The following COQ10A variants were observed in gnomAD, a reference collection of about 807,000 sequenced individuals.
COQ10A encodes the protein coenzyme Q10A, also known as coenzyme Q-binding protein COQ10 homolog A, mitochondrial.
A neutral mutation model predicts 26.1 loss-of-function variants in COQ10A; 25 were observed. The ratio of observed to expected loss-of-function variants is 0.96; its 90% CI spans 0.70 to 1.34. The LOEUF is 1.34. Among genes scored for constraint, COQ10A ranks in the 40% most tolerant of loss-of-function variants. COQ10A has a pLI of 0.00. For missense variants in COQ10A, 312 were observed against 335.4 expected, an observed-to-expected ratio of 0.93 and a Z score of 0.54; for synonymous variants, 132 against 124.0, an observed-to-expected ratio of 1.06 and a Z score of -0.43.
At position 56,267,019 on chromosome 12, in the gene COQ10A, G is replaced by A. The variant is rs1592401651; in HGVS notation, c.-100G>A. 7.7e-6 allele frequency: 9 copies of A among 1,168,482 alleles called. No individual in the cohort carries two copies. Among genetic ancestry groups the A allele is most frequent in the Non-Finnish European group, 9.6e-6 (9 of 939,840 alleles). 72.4% of individuals were successfully genotyped at this position (1,168,482 alleles called of 1,614,324 possible). Reference sequence around the variant, plus strand: ...CCTCCCGTCGCCCCTGCGCTCAGAGGTCCCGAACCAGCCCAGCCGCTGCCT... The same window carrying A: ...CCTCCCGTCGCCCCTGCGCTCAGAGATCCCGAACCAGCCCAGCCGCTGCCT... On this transcript the variant is annotated 5_prime_UTR_variant, in exon 1 of 5. Coordinates refer to ENST00000308197, the MANE Select transcript of COQ10A (RefSeq NM_144576.4).
rs201037052 is a variant in COQ10A at position 56,269,546 on chromosome 12, C to T, written c.561C>T (p.Cys187=). 3.7e-5 allele frequency: 59 copies of T among 1,613,336 alleles called. No individual in the cohort carries two copies. In the African/African-American group the frequency reaches 7.2e-4, roughly 20 times the overall value. Residue 187 remains cysteine (C), a synonymous_variant, in exon 4 of 5, where the codon TGC becomes TGT. Transcript: ENST00000308197. The part of the protein sequence containing the change: ...SPGIPAYPRT[C]TVDFSISFEF... ...GTATTCCTGCCTATCCTCGAACCTGCACTGTGGACTTTTCGGTGAGTCAGG... is the reference window on the plus strand; with the variant it reads ...GTATTCCTGCCTATCCTCGAACCTGTACTGTGGACTTTTCGGTGAGTCAGG...
chr12:56,268,965 T>C (rs891085614), intron 2 of COQ10A, 94 bp from the exon 3 acceptor site: 1 of 947,388 alleles, frequency 1.1e-6, no homozygotes, highest in Non-Finnish European at 1.7e-6. Context: ...TGAAGGTGCG[T>C]GGTTAGTGGG....
intron 2 of COQ10A, 72 bp downstream of exon 2, chr12:56,268,012 C>T (rs1422139284): frequency 1.3e-6 from 2 of 1,575,550 alleles, no homozygotes; most frequent in Non-Finnish European, 1.7e-6. Context: ...GCAAGAATGT[C>T]AGGGTATCAT....
chr12:56,267,722 T>C, intron 1 of COQ10A, 72 bp from the exon 2 acceptor site: 1 of 1,601,060 alleles, frequency 6.2e-7, no homozygotes, highest in Non-Finnish European at 8.6e-7. Context: ...TGCACTCTTC[T>C]TCTCCTTCAC....
intron 1 of COQ10A, 135 bp from the exon 2 acceptor site, chr12:56,267,659 G>A: frequency 1.5e-6 from 2 of 1,303,740 alleles, no homozygotes; most frequent in Non-Finnish European, 2.2e-6. Flanking sequence ...AGAGCCTAGC[G>A]GGCTGCAGCA....
At chr12:56,268,260 C>T in intron 2 of COQ10A, 1 of 300,028 alleles carries the variant, frequency 3.3e-6, no homozygotes, top group Non-Finnish European at 6.4e-6. Flanking sequence ...CGTTTTAGGT[C>T]AGGAGTTCGA....
chr12:56,267,173 C>T lies in COQ10A; in HGVS notation c.55C>T (p.Arg19Cys). 2.2e-6 allele frequency: 3 copies of T among 1,352,924 alleles called. No individual in the cohort carries two copies. The highest frequency in any genetic ancestry group is 2.8e-6 in the Non-Finnish European group (3 of 1,058,604). 83.8% of individuals were successfully genotyped at this position (1,352,924 alleles called of 1,614,324 possible). A position where few individuals can be genotyped will look rare whatever the true frequency, so the allele number is the denominator to read the frequency against. The change falls in exon 1 of 5, where the codon CGC becomes TGC. Residue 19 changes from arginine (R) to cysteine (C), a missense_variant. Physicochemically the swap from Arg to Cys is radical, Grantham distance 180. Transcript: ENST00000308197. ...VPAGTRAAAERCCRLSLSPGA... is the reference protein window; with the variant it reads ...VPAGTRAAAECCCRLSLSPGA... ...AGCTGGGACGCGCGCGGCAGCCGAG[C>T]GCTGCTGCCGGCTCTCGCTCAGCCC...
Position 56,269,216 on chromosome 12 carries a change from TCTGC to T in COQ10A, c.440_443del (p.Ser147Ter). On this transcript the variant is annotated frameshift_variant, in exon 3 of 5. Transcript: ENST00000308197. LOFTEE classifies it high-confidence loss of function. Reference sequence around the variant, plus strand: ...TCCACCTGTCATGGAACGTTACACCTCTGCAGTTTCCATGGTCAAACCTCACATG... The same window carrying T: ...TCCACCTGTCATGGAACGTTACACCTAGTTTCCATGGTCAAACCTCACATG... 2 of 1,614,154 alleles carry T rather than the reference TCTGC, an allele frequency of 1.2e-6. No homozygotes were observed. The highest frequency in any genetic ancestry group is 1.7e-6 in the Non-Finnish European group (2 of 1,180,010).
chr12:56,267,487 C>T (rs2135903790), intron 1 of COQ10A: 1 of 1,598,460 alleles, frequency 6.3e-7, no homozygotes, highest in South Asian at 1.1e-5. Flanking sequence ...TCCCCGGGGA[C>T]AGTGATGCTT....
chr12:56,270,608 T>C lies in COQ10A; in HGVS notation c.*291T>C. The C allele has an allele frequency of 3.5e-6, 1 of 288,482 alleles. No homozygotes were observed. Among genetic ancestry groups the C allele is most frequent in the East Asian group, 6.7e-5 (1 of 14,944 alleles). The allele number at this position is 288,482 out of a possible 1,614,324, so 17.9% of individuals were successfully genotyped here. On this transcript the variant is annotated 3_prime_UTR_variant, in exon 5 of 5. Transcript: ENST00000308197. ...AGAATAAGGACTATGTGGTTGTCTCTGGACCTTATCAAGACACCTTAGTGT... is the reference window on the plus strand; with the variant it reads ...AGAATAAGGACTATGTGGTTGTCTCCGGACCTTATCAAGACACCTTAGTGT...
In COQ10A at chr12:56,267,333, G is replaced by A. The variant is rs1872378734; in HGVS notation, c.134+81G>A. 3 of 1,613,550 alleles carry A rather than the reference G, an allele frequency of 1.9e-6. No individual in the cohort carries two copies. The African/African-American group carries it at 4.0e-5, about 22-fold the overall frequency. ...CCGCGGTGGAGGGGTGCTATACTGG[G>A]ATGCAGGCGCGGCGGGGACTGGCAG... On this transcript the variant is annotated intron_variant, in intron 1 of 4. Coordinates refer to ENST00000308197, the MANE Select transcript of COQ10A (RefSeq NM_144576.4).
In COQ10A at chr12:56,270,275, C is replaced by G; in HGVS notation, c.702C>G (p.Ala234=). The G allele has an allele frequency of 6.2e-7, 1 of 1,614,188 alleles. No individual in the cohort carries two copies. Among genetic ancestry groups the G allele is most frequent in the Non-Finnish European group, 8.5e-7 (1 of 1,180,028 alleles). Residue 234 remains alanine (A), a synonymous_variant, in exon 5 of 5, where the codon GCC becomes GCG. Transcript: ENST00000308197. ...CCACCAAGTTTGGTCCAGAAACAGC[C>G]ATCCCCCGTGAACTGATGTTCCATG... ...RAATKFGPET[A]IPRELMFHEV... is the part of the protein sequence containing the mutation.
intron 4 of COQ10A, 129 bp downstream of exon 4, chr12:56,269,690 C>G (rs766182316): frequency 9.4e-6 from 7 of 741,894 alleles, no homozygotes; most frequent in Non-Finnish European, 1.7e-5. Context: ...TGCAATGGCA[C>G]GATCTTGGCT....
chr12:56,267,150 C>G lies in COQ10A; in HGVS notation c.32C>G (p.Ala11Gly), dbSNP rs973535598. 4.5e-6 allele frequency: 6 copies of G among 1,340,526 alleles called. No individual in the cohort carries two copies. The South Asian group carries it at 1.1e-4, about 26-fold the overall frequency. The allele number at this position is 1,340,526 out of a possible 1,614,324, so 83.0% of individuals were successfully genotyped here. A position where few individuals can be genotyped will look rare whatever the true frequency, so the allele number is the denominator to read the frequency against. Residue 11 changes from alanine (A) to glycine (G), a missense_variant, in exon 1 of 5, where the codon GCT becomes GGT. Transcript: ENST00000308197. MAWAGSRRVP[A>G]GTRAAAERCC... is the part of the protein sequence containing the mutation. Reference sequence around the variant, plus strand: ...TGGGCGGGCTCGCGGCGGGTCCCAGCTGGGACGCGCGCGGCAGCCGAGCGC... The same window carrying G: ...TGGGCGGGCTCGCGGCGGGTCCCAGGTGGGACGCGCGCGGCAGCCGAGCGC...
chr12:56,270,029 G>C, intron 4 of COQ10A, 121 bp from the exon 5 acceptor site: 1 of 964,368 alleles, frequency 1.0e-6, no homozygotes, highest in Middle Eastern at 2.5e-4. Flanking sequence ...GGGCTCTTAC[G>C]GGGATCCACG....
In COQ10A at chr12:56,270,369, CTCT is replaced by C. The variant is rs753777249; in HGVS notation, c.*54_*56del. 17 of 1,551,734 alleles carry C rather than the reference CTCT, an allele frequency of 1.1e-5. No homozygotes were observed. The African/African-American group carries it at 1.4e-4, about 13-fold the overall frequency. On this transcript the variant is annotated 3_prime_UTR_variant, in exon 5 of 5. Transcript: ENST00000308197. ...TTCTACCCCACTTCCCTACACAATT[CTCT>C]TATTTATTTGGTTTGGCTCCTGTTC...
chr12:56,269,008 G>A lies in COQ10A; in HGVS notation c.282-51G>A, dbSNP rs376606034. 44 of 1,545,874 alleles carry A rather than the reference G, an allele frequency of 2.8e-5. No homozygotes were observed. In the African/African-American group the frequency reaches 3.1e-4, roughly 11 times the overall value. On this transcript the variant is annotated intron_variant, in intron 2 of 4. Coordinates refer to ENST00000308197, the MANE Select transcript of COQ10A (RefSeq NM_144576.4). The stretch of plus-strand genomic sequence containing the variant: ...ATGAATTAGGGGCCTATAGCAAGGA[G>A]GAACCTGACCCAGCTGGCAGCTCCT...
In COQ10A at chr12:56,267,815, C is replaced by T. The variant is rs1199928424; in HGVS notation, c.156C>T (p.Leu52=). The part of the protein sequence containing the change: ...RPMRFLTSCS[L]LLPRAAQILA... ...TTAGGTTTCTGACCTCCTGCAGCCT[C>T]CTCTTGCCTCGGGCTGCCCAGATCT... Residue 52 remains leucine, a synonymous_variant, in exon 2 of 5, where the codon CTC becomes CTT. Coordinates refer to ENST00000308197, the MANE Select transcript of COQ10A (RefSeq NM_144576.4). 1 of 1,614,198 alleles carries T rather than the reference C, an allele frequency of 6.2e-7. No individual in the cohort carries two copies. The highest frequency in any genetic ancestry group is 1.1e-5 in the South Asian group (1 of 91,082).
intron 2 of COQ10A, chr12:56,268,625 C>G (rs996022651): frequency 6.0e-6 from 1 of 165,838 alleles, no homozygotes; most frequent in Admixed American, 5.7e-5. Context: ...TTGCTACATG[C>G]TAGCAGCTTG....
Sources: allele counts gnomAD v4.1 joint callset, GRCh38; gene constraint gnomAD v4.1.1; transcripts MANE v1.5; gene names NCBI Gene and HGNC (gene_info 2026-07-23, HGNC 2026-07-21).